The following TNRC6B variants were observed in gnomAD, a reference collection of about 807,000 sequenced individuals.
The protein encoded by TNRC6B is trinucleotide repeat-containing gene 6B protein.
In TNRC6B, 52 loss-of-function variants were observed where a neutral mutation model predicts 203.6. The observed-to-expected ratio is 0.26, with a 90% CI of 0.20 to 0.32. TNRC6B has a LOEUF of 0.32. Ranked by LOEUF, TNRC6B falls within the 10% of genes least tolerant of loss-of-function variation. The pLI, the probability that TNRC6B is intolerant of heterozygous loss-of-function variation, is 1.00. For synonymous variants in TNRC6B, 838 were observed against 845.7 expected (o/e 0.99, Z 0.16); for missense variants, 1,923 against 2,286.2 (o/e 0.84, Z 3.24).
intron 1 of TNRC6B, among the ~76,000 whole-genome samples, chr22:40,234,447 G>A (rs1194559761): frequency 6.6e-6 from 1 of 152,192 alleles, no homozygotes; most frequent in Non-Finnish European, 1.5e-5. Context: ...CTCGTGTGCT[G>A]CTCAAAGATC....
intron 1 of TNRC6B, among the ~76,000 whole-genome samples, chr22:40,055,733 C>T (rs951559109): frequency 3.9e-5 from 6 of 152,266 alleles, no homozygotes; most frequent in Admixed American, 1.3e-4. Context: ...CTCATTTAAG[C>T]TTATCTGTAG....
chr22:40,328,809 T>C lies in TNRC6B; in HGVS notation c.*5568T>C, dbSNP rs767526742. 4 of 152,226 alleles carry C rather than the reference T, an allele frequency of 2.6e-5. No homozygotes were observed. Among genetic ancestry groups the C allele is most frequent in the African/African-American group, 9.7e-5 (4 of 41,420 alleles). 9.4% of individuals were successfully genotyped at this position (152,226 alleles called of 1,614,324 possible). A position where few individuals can be genotyped will look rare whatever the true frequency, so the allele number is the denominator to read the frequency against. On this transcript the variant is annotated 3_prime_UTR_variant, in exon 23 of 23. Transcript: ENST00000454349. ...CTTTATGTAGAAAAGATCCATTTTT[T>C]CCCCATCCTCAGAGTTAAAATTCAA...
chr22:40,331,743 G>T lies in TNRC6B; in HGVS notation c.*8502G>T. Reference sequence around the variant, plus strand: ...AAGGTGAATTGTAACTATGCATTCTGCAAAGGGGGTGGGGAGGAGAGGGCA... The same window carrying T: ...AAGGTGAATTGTAACTATGCATTCTTCAAAGGGGGTGGGGAGGAGAGGGCA... On this transcript the variant is annotated 3_prime_UTR_variant, in exon 23 of 23. Coordinates refer to ENST00000454349, the MANE Select transcript of TNRC6B (RefSeq NM_001162501.2). 1 of 298,054 alleles carries T rather than the reference G, an allele frequency of 3.4e-6. No homozygotes were observed. Among genetic ancestry groups the T allele is most frequent in the African/African-American group, 2.3e-5 (1 of 43,254 alleles). The allele number at this position is 298,054 out of a possible 1,614,324, so 18.5% of individuals were successfully genotyped here. A position where few individuals can be genotyped will look rare whatever the true frequency, so the allele number is the denominator to read the frequency against.
chr22:40,238,222 C>T (rs968324513), intron 1 of TNRC6B, among the ~76,000 whole-genome samples: 2 of 152,046 alleles, frequency 1.3e-5, no homozygotes, highest in African/African-American at 4.8e-5. Context: ...CTGTGGCAAA[C>T]GCACACACAC....
At chr22:40,088,848 A>C (rs1876531539) in intron 1 of TNRC6B, among the ~76,000 whole-genome samples, 1 of 152,190 alleles carries the variant, frequency 6.6e-6, no homozygotes, top group Non-Finnish European at 1.5e-5. Context: ...CAGGGAGAGA[A>C]GCTAGACTGC....
At chr22:40,262,736 A>G (rs1018096768) in intron 4 of TNRC6B, among the ~76,000 whole-genome samples, 2 of 152,166 alleles carry the variant, frequency 1.3e-5, no homozygotes, top group African/African-American at 4.8e-5. Context: ...GAAAGGTTCT[A>G]CTAGAAGTTT....
intron 7 of TNRC6B, among the ~76,000 whole-genome samples, chr22:40,275,147 G>T (rs1339412841): frequency 3.3e-5 from 5 of 152,180 alleles, no homozygotes; most frequent in African/African-American, 1.2e-4. Context: ...TTTCTGTTTA[G>T]AGATGTTTTG....
chr22:40,115,218 G>A (rs2068376279), intron 1 of TNRC6B, among the ~76,000 whole-genome samples: 1 of 152,188 alleles, frequency 6.6e-6, no homozygotes, highest in Non-Finnish European at 1.5e-5. Flanking sequence ...AACTTTACAG[G>A]GTTGGCACAC....
chr22:40,132,342 G>A (rs1229890080), intron 3 of TNRC6B, among the ~76,000 whole-genome samples: 1 of 151,504 alleles, frequency 6.6e-6, no homozygotes, highest in Non-Finnish European at 1.5e-5. Flanking sequence ...CTCCAGCCTG[G>A]GTGACAGTGT....
At chr22:40,164,078 A>G (rs1372758695) in intron 4 of TNRC6B, among the ~76,000 whole-genome samples, 1 of 152,124 alleles carries the variant, frequency 6.6e-6, no homozygotes, top group African/African-American at 2.4e-5. Flanking sequence ...GTGTTATTAT[A>G]AAGCCTAATT....
At chr22:40,285,151 G>T (rs997291117) in intron 11 of TNRC6B, among the ~76,000 whole-genome samples, 6 of 152,156 alleles carry the variant, frequency 3.9e-5, no homozygotes, top group African/African-American at 1.4e-4. Flanking sequence ...AGAAAGGATT[G>T]AGCAGATCCA....
chr22:40,313,316 G>A (rs1226877941), intron 19 of TNRC6B, among the ~76,000 whole-genome samples: 1 of 152,082 alleles, frequency 6.6e-6, no homozygotes, highest in East Asian at 1.9e-4. Flanking sequence ...GAAGTCAAGG[G>A]TCATGAGAAG....
intron 15 of TNRC6B, among the ~76,000 whole-genome samples, chr22:40,303,880 C>T (rs1211909719): frequency 6.6e-6 from 1 of 152,214 alleles, no homozygotes; most frequent in Admixed American, 6.5e-5. Context: ...CACTGCACTC[C>T]AGCCTGGCGA....
intron 3 of TNRC6B, among the ~76,000 whole-genome samples, chr22:40,252,016 C>T (rs1256720853): frequency 2.0e-5 from 3 of 152,016 alleles, no homozygotes; most frequent in Admixed American, 1.3e-4. Flanking sequence ...AGCAGGTGCC[C>T]CTTGGGTCAT....
At chr22:40,117,749 A>AT (rs1436878583) in intron 2 of TNRC6B, among the ~76,000 whole-genome samples, 7 of 151,560 alleles carry the variant, frequency 4.6e-5, no homozygotes, top group Non-Finnish European at 8.8e-5. Context: ...TTCTTGTTGT[A>AT]TTTTTCCTGT....
intron 3 of TNRC6B, among the ~76,000 whole-genome samples, chr22:40,142,091 ACT>A (rs1378694211): frequency 7.2e-6 from 1 of 138,376 alleles, no homozygotes; most frequent in African/African-American, 2.7e-5. Flanking sequence ...CAGAAGTCTA[ACT>A]CTGTCACCCA....
chr22:40,172,264 A>G (rs561858663), intron 4 of TNRC6B, among the ~76,000 whole-genome samples: 26 of 152,328 alleles, frequency 1.7e-4, no homozygotes, highest in African/African-American at 5.3e-4. Flanking sequence ...AGCCTCTCTC[A>G]GTTATTCTAT....
At chr22:40,099,740 C>T (rs2068218009) in intron 1 of TNRC6B, among the ~76,000 whole-genome samples, 1 of 152,078 alleles carries the variant, frequency 6.6e-6, no homozygotes, top group African/African-American at 2.4e-5. Context: ...ACAAATACTT[C>T]TCCATTTTAT....
chr22:40,252,255 C>T (rs2070206213), intron 3 of TNRC6B, among the ~76,000 whole-genome samples: 1 of 152,182 alleles, frequency 6.6e-6, no homozygotes. Context: ...CAGGCCATGG[C>T]CCTAGCAGAT....
Sources: gnomAD v4.1 joint callset for allele counts (sites outside exome capture counted in the v4.1 genomes callset) on GRCh38, gnomAD v4.1.1 for gene constraint, MANE v1.5 for transcripts, NCBI Gene and HGNC (gene_info 2026-07-23, HGNC 2026-07-21) for gene names.